Variants in DNAJC17 observed in about 807,000 individuals in gnomAD.
DNAJC17 encodes DnaJ heat shock protein family (Hsp40) member C17.
Under a neutral mutation model 48.1 loss-of-function variants are expected in DNAJC17, and 35 were observed. The observed-to-expected ratio is 0.73, with a 90% CI of 0.56 to 0.96. The LOEUF is 0.96. Ranked by LOEUF, DNAJC17 falls within the 50% of genes least tolerant of loss-of-function variation. The pLI is 0.00. For synonymous variants in DNAJC17, 117 were observed against 142.7 expected, an observed-to-expected ratio of 0.82 and a Z score of 1.28; for missense variants, 355 against 377.1, an observed-to-expected ratio of 0.94 and a Z score of 0.48.
chr15:40,775,388 C>T, intron 7 of DNAJC17, 165 bp downstream of exon 7: 2 of 849,972 alleles, frequency 2.4e-6, no homozygotes, highest in Admixed American at 2.1e-5. Flanking sequence ...TCGTGGCAAG[C>T]TCTGATCTCC....
intron 2 of DNAJC17, 60 bp downstream of exon 2, chr15:40,779,868 G>A (rs1156312942): frequency 6.4e-7 from 1 of 1,563,398 alleles, no homozygotes; most frequent in Non-Finnish European, 8.7e-7. Context: ...GCTTACATCG[G>A]GAAACACAAT....
Position 40,779,280 on chromosome 15 carries a change from T to G in DNAJC17, c.238A>C (p.Lys80Gln), listed in dbSNP as rs1335916983. Residue 80 changes from lysine (K) to glutamine (Q), a missense_variant, in exon 4 of 11, where the codon AAG becomes CAG. Physicochemically the swap from Lys to Gln is moderately conservative, Grantham distance 53. Transcript: ENST00000220496. The stretch of plus-strand genomic sequence containing the variant: ...TTCTGGGTCCTCTCTGCTGCTTGCT[T>G]CTTGGCTTTCCTGACCTTGTCATAT... ...AAYDKVRKAK[K>Q]QAAERTQKLD... is the part of the protein sequence containing the mutation. 2.5e-6 allele frequency: 4 copies of G among 1,613,978 alleles called. No individual in the cohort carries two copies. The Admixed American group carries it at 6.7e-5, about 27-fold the overall frequency.
At chr15:40,776,714 A>G in intron 4 of DNAJC17, 87 bp from the exon 5 acceptor site, 4 of 1,344,704 alleles carry the variant, frequency 3.0e-6, no homozygotes, top group East Asian at 2.3e-5. Context: ...TGCCTCCCCA[A>G]AGTCTCAATC....
At chr15:40,791,265 T>C (rs1315916802) in intron 1 of DNAJC17, among the ~76,000 whole-genome samples, 1 of 152,150 alleles carries the variant, frequency 6.6e-6, no homozygotes, top group African/African-American at 2.4e-5. Flanking sequence ...CGGTGGCTCA[T>C]GACTGTAATC....
chr15:40,776,571 T>G lies in DNAJC17; in HGVS notation c.352A>C (p.Ser118Arg). ...TGCTCTAGTGTCCTGGTGCTCCGGC[T>G]CTCCTCTTCCTCCTCACTCTCCTGG... ...QAQESEEEEE[S>R]RSTRTLEQEI... Residue 118 changes from serine (S) to arginine (R), a missense_variant, in exon 5 of 11, where the codon AGC (serine) becomes CGC (arginine). Coordinates refer to ENST00000220496, the MANE Select transcript of DNAJC17 (RefSeq NM_018163.3). The G allele has an allele frequency of 6.2e-7, 1 of 1,613,972 alleles. No homozygotes were observed. Among genetic ancestry groups the G allele is most frequent in the Non-Finnish European group, 8.5e-7 (1 of 1,179,992 alleles).
rs1051632130 is a variant in DNAJC17 at position 40,778,191 on chromosome 15, T to TA, written c.295+1031dup. 4.7e-3 allele frequency among the ~76,000 whole-genome samples: 664 copies of TA among 141,688 alleles called. 2 individuals carry two copies. The highest frequency in any genetic ancestry group is 9.3e-3 in the Admixed American group (131 of 14,052). 93.0% of individuals were successfully genotyped at this position (141,688 alleles called of 152,430 possible). A position where few individuals can be genotyped will look rare whatever the true frequency, so the allele number is the denominator to read the frequency against. On this transcript the variant is annotated intron_variant, in intron 4 of 10. Coordinates refer to ENST00000220496, the MANE Select transcript of DNAJC17 (RefSeq NM_018163.3). ...GACAGTACAAAACCCCGTCTTTCTT[T>TA]AAAAAAAAAAAAAAGAAGAAGAAGA...
chr15:40,807,124 C>A, intron 1 of DNAJC17: 1 of 952,114 alleles, frequency 1.1e-6, no homozygotes, highest in Non-Finnish European at 1.5e-6. Flanking sequence ...CTCTAGGAGA[C>A]AGGGGCCACG....
At position 40,765,564 on chromosome 15, in the gene DNAJC17, T is replaced by G. The variant is rs538994932; in HGVS notation, c.*2376A>C. ...AGCGATCCTCCCACCTCAGCCTCAGTAGCTGGAACTATAGGCTCGTGATAC... is the reference window on the plus strand; with the variant it reads ...AGCGATCCTCCCACCTCAGCCTCAGGAGCTGGAACTATAGGCTCGTGATAC... On this transcript the variant is annotated 3_prime_UTR_variant, in exon 11 of 11. Coordinates refer to ENST00000220496, the MANE Select transcript of DNAJC17 (RefSeq NM_018163.3). 3.7e-4 allele frequency: 106 copies of G among 289,128 alleles called. No individual in the cohort carries two copies. Among genetic ancestry groups the G allele is most frequent in the African/African-American group, 2.2e-3 (99 of 46,004 alleles). The allele number at this position is 289,128 out of a possible 1,614,324, so 17.9% of individuals were successfully genotyped here.
chr15:40,794,426 C>T (rs574753055), intron 1 of DNAJC17, among the ~76,000 whole-genome samples: 24 of 152,256 alleles, frequency 1.6e-4, no homozygotes, highest in Middle Eastern at 3.4e-3. Context: ...AATCCCAGCA[C>T]TTTGGGAGGC....
At chr15:40,771,096 A>G (rs887614358) in intron 10 of DNAJC17, 18 of 1,391,156 alleles carry the variant, frequency 1.3e-5, no homozygotes, top group Non-Finnish European at 1.7e-5. Flanking sequence ...GGACAGGGAC[A>G]GGACTCCAGG....
intron 10 of DNAJC17, among the ~76,000 whole-genome samples, chr15:40,768,278 C>T (rs1454332519): frequency 6.6e-6 from 1 of 152,216 alleles, no homozygotes; most frequent in Admixed American, 6.5e-5. Context: ...TCTACCCAGC[C>T]AGCTCCCCCT....
chr15:40,799,627 T>A (rs939316374), intron 1 of DNAJC17, among the ~76,000 whole-genome samples: 5 of 152,214 alleles, frequency 3.3e-5, no homozygotes, highest in Non-Finnish European at 7.3e-5. Flanking sequence ...GTCTTTGTTG[T>A]ATATTCTCCT....
chr15:40,807,159 A>C, intron 1 of DNAJC17: 1 of 1,266,306 alleles, frequency 7.9e-7, no homozygotes, highest in South Asian at 1.5e-5. Context: ...ACCCGGCGCG[A>C]AGAGCCCTCT....
chr15:40,781,121 A>C (rs28480346), intron 1 of DNAJC17, among the ~76,000 whole-genome samples: 6,626 of 146,248 alleles, frequency 0.045, 510 homozygotes, highest in African/African-American at 0.16. Context: ...ACTACACTCC[A>C]GCCTGTGGGA....
chr15:40,797,782 C>G (rs941776372), intron 1 of DNAJC17, among the ~76,000 whole-genome samples: 1 of 140,184 alleles, frequency 7.1e-6, no homozygotes, highest in Admixed American at 7.9e-5. Flanking sequence ...AGGGCAGTAG[C>G]ACAATCTCGG....
chr15:40,804,197 T>C (rs1158576493), intron 1 of DNAJC17, among the ~76,000 whole-genome samples: 2 of 151,964 alleles, frequency 1.3e-5, no homozygotes, highest in Admixed American at 1.3e-4. Flanking sequence ...CTCAAACTCC[T>C]GGCCTCAAGC....
chr15:40,807,074 G>A, intron 1 of DNAJC17: 2 of 634,234 alleles, frequency 3.2e-6, no homozygotes, highest in Non-Finnish European at 5.3e-6. Flanking sequence ...CTGCGCAGGC[G>A]CAGAGGAGGC....
Position 40,767,586 on chromosome 15 carries a change from C to A in DNAJC17, c.*354G>T, listed in dbSNP as rs1888979432. On this transcript the variant is annotated 3_prime_UTR_variant, in exon 11 of 11. Coordinates refer to ENST00000220496, the MANE Select transcript of DNAJC17 (RefSeq NM_018163.3). Reference sequence around the variant, plus strand: ...CTGCCCTCCTGCTTCGGGCCTGGGCCGAGGGCCTTGTGTAGGCCATGTTCC... The same window carrying A: ...CTGCCCTCCTGCTTCGGGCCTGGGCAGAGGGCCTTGTGTAGGCCATGTTCC... The A allele has an allele frequency of 6.7e-6, 4 of 597,192 alleles. No homozygotes were observed. The highest frequency in any genetic ancestry group is 4.5e-4 in the Middle Eastern group (1 of 2,238). 37.0% of individuals were successfully genotyped at this position (597,192 alleles called of 1,614,324 possible).
rs900151025 is a variant in DNAJC17 at position 40,776,466 on chromosome 15, G to A, written c.381+76C>T. Reference sequence around the variant, plus strand: ...CAAAGAGCATGCCCTCTCTAGCCACGGCGACCACCAGGTCCATCCTCCCCC... The same window carrying A: ...CAAAGAGCATGCCCTCTCTAGCCACAGCGACCACCAGGTCCATCCTCCCCC... On this transcript the variant is annotated intron_variant, in intron 5 of 10. Coordinates refer to ENST00000220496, the MANE Select transcript of DNAJC17 (RefSeq NM_018163.3). The A allele has an allele frequency of 1.6e-5, 25 of 1,565,936 alleles. No individual in the cohort carries two copies. In the African/African-American group the frequency reaches 2.3e-4, roughly 14 times the overall value.
Sources: allele counts gnomAD v4.1 joint callset (sites outside exome capture counted in the v4.1 genomes callset), GRCh38; gene constraint gnomAD v4.1.1; transcripts MANE v1.5; gene names NCBI Gene and HGNC (gene_info 2026-07-23, HGNC 2026-07-21).